The following NALF1 variants were observed in gnomAD, a reference collection of about 807,000 sequenced individuals.
The protein encoded by NALF1 is family with sequence similarity 155 member A.
NALF1 carries 3 observed loss-of-function variants against 48.4 expected under a neutral mutation model. The ratio of observed to expected loss-of-function variants is 0.06; its 90% CI spans 0.03 to 0.16. The LOEUF is 0.16. NALF1 is among the 10% of genes least tolerant of loss of function. The pLI, the probability that NALF1 is intolerant of heterozygous loss-of-function variation, is 1.00. For synonymous variants in NALF1, 262 were observed against 245.7 expected (o/e 1.07, Z -0.62); for missense variants, 526 against 571.5 (o/e 0.92, Z 0.81).
At chr13:107,800,559 T>C (rs555226154) in intron 1 of NALF1, among the ~76,000 whole-genome samples, 1 of 148,278 alleles carries the variant, frequency 6.7e-6, no homozygotes, top group Non-Finnish European at 1.5e-5. Context: ...GTAATAAGTA[T>C]AGTTTACTGT....
At chr13:107,846,562 T>C (rs1290049830) in intron 1 of NALF1, among the ~76,000 whole-genome samples, 1 of 152,146 alleles carries the variant, frequency 6.6e-6, no homozygotes, top group Non-Finnish European at 1.5e-5. Context: ...AGTAAATGTG[T>C]AATGAGGATA....
At chr13:107,387,014 T>C (rs543498902) in intron 1 of NALF1, among the ~76,000 whole-genome samples, 4 of 152,136 alleles carry the variant, frequency 2.6e-5, no homozygotes, top group East Asian at 3.9e-4. Context: ...CACAAAAAAA[T>C]GAAAAGCAAC....
chr13:107,483,798 TTAAATA>T (rs1478005245), intron 1 of NALF1, among the ~76,000 whole-genome samples: 2 of 89,290 alleles, frequency 2.2e-5, no homozygotes, highest in Admixed American at 1.0e-4. Flanking sequence ...GCAATCTGCA[TTAAATA>T]TAAATTAATA....
intron 1 of NALF1, among the ~76,000 whole-genome samples, chr13:107,369,441 T>C (rs1313477209): frequency 2.0e-5 from 3 of 152,186 alleles, no homozygotes; most frequent in East Asian, 1.9e-4. Flanking sequence ...TTTTTCATTA[T>C]GTATACATCT....
intron 1 of NALF1, among the ~76,000 whole-genome samples, chr13:107,391,493 G>A (rs1883625782): frequency 6.6e-6 from 1 of 152,044 alleles, no homozygotes; most frequent in African/African-American, 2.4e-5. Context: ...AATCTTCTTG[G>A]CTCTTTGTTT....
At position 107,301,632 on chromosome 13, in the gene NALF1, G is replaced by T. The variant is rs188491580; in HGVS notation, c.916-90877C>A. Among the ~76,000 whole-genome samples the T allele has an allele frequency of 2.6e-3, 395 of 151,952 alleles. 2 individuals are homozygous for T. The highest frequency in any genetic ancestry group is 9.3e-3 in the African/African-American group (384 of 41,456). ...GTCCTGAACTAATTTTATTACATAC[G>T]TCTACATAATTATTTATTAGAATGT... On this transcript the variant is annotated intron_variant, in intron 1 of 2. Transcript: ENST00000375915.
intron 1 of NALF1, among the ~76,000 whole-genome samples, chr13:107,299,517 C>T (rs1476695602): frequency 6.7e-6 from 1 of 150,052 alleles, no homozygotes; most frequent in African/African-American, 2.4e-5. Context: ...TGAGGCTACA[C>T]TAACATCCTA....
At chr13:107,418,122 C>T (rs544123929) in intron 1 of NALF1, among the ~76,000 whole-genome samples, 1 of 152,276 alleles carries the variant, frequency 6.6e-6, no homozygotes, top group South Asian at 2.1e-4. Flanking sequence ...TTTCTATTCA[C>T]AGTGGTACTA....
chr13:107,273,345 T>G (rs1451615531), intron 1 of NALF1, among the ~76,000 whole-genome samples: 1 of 152,208 alleles, frequency 6.6e-6, no homozygotes, highest in Non-Finnish European at 1.5e-5. Flanking sequence ...GGGGGATGCC[T>G]TCATTTTTGT....
chr13:107,805,179 T>C (rs1255674035), intron 1 of NALF1, among the ~76,000 whole-genome samples: 1 of 152,200 alleles, frequency 6.6e-6, no homozygotes, highest in Non-Finnish European at 1.5e-5. Flanking sequence ...ATGAGTCTAA[T>C]TATGTAACAT....
At chr13:107,774,340 TG>T (rs1877663454) in intron 1 of NALF1, among the ~76,000 whole-genome samples, 1 of 152,202 alleles carries the variant, frequency 6.6e-6, no homozygotes, top group Non-Finnish European at 1.5e-5. Context: ...GCTAGGGAAA[TG>T]AAGTCCACAG....
intron 1 of NALF1, among the ~76,000 whole-genome samples, chr13:107,712,051 C>G (rs1056159315): frequency 7.2e-5 from 11 of 151,898 alleles, no homozygotes; most frequent in African/African-American, 2.7e-4. Context: ...CAAATAAAAC[C>G]ATGATTATAT....
chr13:107,420,739 G>T (rs576324821), intron 1 of NALF1, among the ~76,000 whole-genome samples: 10 of 152,256 alleles, frequency 6.6e-5, no homozygotes, highest in African/African-American at 2.4e-4. Context: ...TCGAGTACAT[G>T]TGCAATTTTG....
Position 107,315,147 on chromosome 13 carries a change from CTTTG to C in NALF1, c.916-104396_916-104393del, listed in dbSNP as rs765279259. Among the ~76,000 whole-genome samples, 254 of 151,972 alleles carry C rather than the reference CTTTG, an allele frequency of 1.7e-3. 2 individuals are homozygous for C. The highest frequency in any genetic ancestry group is 3.4e-3 in the Middle Eastern group (1 of 294). On this transcript the variant is annotated intron_variant, in intron 1 of 2. Coordinates refer to ENST00000375915, the MANE Select transcript of NALF1 (RefSeq NM_001080396.3). ...ATTGGCTCCTTTCTGAATGCCCTTT[CTTTG>C]TATCAAAATAAAAAAGCGAAAGAAT...
At chr13:107,459,349 A>G (rs984538565) in intron 1 of NALF1, among the ~76,000 whole-genome samples, 6 of 152,032 alleles carry the variant, frequency 3.9e-5, no homozygotes, top group Non-Finnish European at 5.9e-5. Flanking sequence ...CCCTAGAGCT[A>G]GCAAATTGTA....
intron 1 of NALF1, among the ~76,000 whole-genome samples, chr13:107,227,578 G>T (rs141200783): frequency 6.6e-6 from 1 of 152,194 alleles, no homozygotes; most frequent in Non-Finnish European, 1.5e-5. Flanking sequence ...AGTCAAGATC[G>T]TGTAATACTG....
rs150290291 is a variant in NALF1 at position 107,728,302 on chromosome 13, A to T, written c.915+137380T>A. On this transcript the variant is annotated intron_variant, in intron 1 of 2. Coordinates refer to ENST00000375915, the MANE Select transcript of NALF1 (RefSeq NM_001080396.3). ...CAACCCAAATGTCCATCAATGATAG[A>T]CTGGATAAAGAAAATGTGGCACATA... Among the ~76,000 whole-genome samples the T allele has an allele frequency of 2.3e-3, 351 of 152,344 alleles. 2 individuals are homozygous for T. Among genetic ancestry groups the T allele is most frequent in the African/African-American group, 8.3e-3 (344 of 41,586 alleles).
intron 1 of NALF1, among the ~76,000 whole-genome samples, chr13:107,339,481 T>C (rs1389413233): frequency 6.6e-6 from 1 of 152,076 alleles, no homozygotes; most frequent in East Asian, 1.9e-4. Flanking sequence ...GCCTGCAAAT[T>C]TGCATTTGAA....
At chr13:107,785,428 T>C (rs1430566606) in intron 1 of NALF1, among the ~76,000 whole-genome samples, 1 of 152,196 alleles carries the variant, frequency 6.6e-6, no homozygotes, top group Non-Finnish European at 1.5e-5. Flanking sequence ...GAGACTATTA[T>C]TCTAAGTGAA....
Sources: allele counts gnomAD v4.1 joint callset (sites outside exome capture counted in the v4.1 genomes callset), GRCh38; gene constraint gnomAD v4.1.1; transcripts MANE v1.5; gene names NCBI Gene and HGNC (gene_info 2026-07-23, HGNC 2026-07-21).